The following HRK variants were observed in gnomAD, a reference collection of about 807,000 sequenced individuals.
The protein encoded by HRK is harakiri, BCL2 interacting protein, also known as activator of apoptosis harakiri.
In HRK, 6 loss-of-function variants were observed where a neutral mutation model predicts 5.9. The observed-to-expected ratio is 1.02, with a 90% CI of 0.56 to 2.01. The LOEUF (loss-of-function observed/expected upper bound fraction) is 2.01. Ranked by LOEUF, HRK falls within the 30% of genes most tolerant of loss-of-function variation. HRK has a pLI of 0.00. For synonymous variants in HRK, 85 were observed against 65.1 expected (o/e 1.31, Z -1.47); for missense variants, 133 against 128.3 (o/e 1.04, Z -0.18).
intron 1 of HRK, among the ~76,000 whole-genome samples, chr12:116,868,315 CA>C (rs1878622141): frequency 6.6e-6 from 1 of 152,078 alleles, no homozygotes; most frequent in East Asian, 1.9e-4. Context: ...AACTCAACTG[CA>C]AGCCAAATTC....
chr12:116,866,157 C>CAAAAA lies in HRK; in HGVS notation c.*57-4696_*57-4692dup, dbSNP rs10682657. Reference sequence around the variant, plus strand: ...TGGGAGAGAGAGCAAGATTCCATCTCAAAAAAAAAAAAAAAAAAGCAGTTT... The same window carrying CAAAAA: ...TGGGAGAGAGAGCAAGATTCCATCTCAAAAAAAAAAAAAAAAAAAAAAAGCAGTTT... On this transcript the variant is annotated intron_variant, in intron 1 of 1. Transcript: ENST00000257572. Among the ~76,000 whole-genome samples the CAAAAA allele has an allele frequency of 9.1e-3, 833 of 91,942 alleles. 48 individuals are homozygous for CAAAAA. Among genetic ancestry groups the CAAAAA allele is most frequent in the Non-Finnish European group, 0.013 (642 of 50,266 alleles). 60.3% of individuals were successfully genotyped at this position (91,942 alleles called of 152,430 possible). A position where few individuals can be genotyped will look rare whatever the true frequency, so the allele number is the denominator to read the frequency against.
chr12:116,868,175 C>T (rs920041386), intron 1 of HRK, among the ~76,000 whole-genome samples: 1 of 151,648 alleles, frequency 6.6e-6, no homozygotes, highest in Non-Finnish European at 1.5e-5. Context: ...AGGCTGGTCT[C>T]GAACTGCTGG....
intron 1 of HRK, among the ~76,000 whole-genome samples, chr12:116,869,221 C>T (rs1258501673): frequency 6.6e-6 from 1 of 152,054 alleles, no homozygotes; most frequent in Non-Finnish European, 1.5e-5. Context: ...ATCTCAAGTG[C>T]TCTACCCACC....
intron 1 of HRK, among the ~76,000 whole-genome samples, chr12:116,868,890 C>CA (rs558359866): frequency 5.3e-4 from 80 of 151,846 alleles, no homozygotes; most frequent in African/African-American, 1.8e-3. Context: ...AGCAGATTAG[C>CA]AACTGCCTTA....
intron 1 of HRK, among the ~76,000 whole-genome samples, chr12:116,863,985 C>T (rs1205321388): frequency 4.6e-5 from 7 of 152,124 alleles, no homozygotes; most frequent in Non-Finnish European, 8.8e-5. Context: ...TACAGGTGTG[C>T]GCCACCACAC....
At chr12:116,867,311 T>G (rs1454006697) in intron 1 of HRK, among the ~76,000 whole-genome samples, 1 of 151,808 alleles carries the variant, frequency 6.6e-6, no homozygotes, top group Admixed American at 6.6e-5. Flanking sequence ...CCCGCTATTT[T>G]TTTTGTATTT....
At chr12:116,875,004 C>T (rs768882315) in intron 1 of HRK, among the ~76,000 whole-genome samples, 2 of 152,158 alleles carry the variant, frequency 1.3e-5, no homozygotes, top group African/African-American at 4.8e-5. Flanking sequence ...GTGAGTTCCA[C>T]ATCCATGGAT....
intron 1 of HRK, among the ~76,000 whole-genome samples, chr12:116,877,520 C>G (rs1459682825): frequency 2.0e-5 from 3 of 152,216 alleles, no homozygotes; most frequent in Non-Finnish European, 2.9e-5. Context: ...TTATTCTCTC[C>G]TGACCCTTCT....
At chr12:116,863,835 C>T (rs1369426174) in intron 1 of HRK, among the ~76,000 whole-genome samples, 1 of 152,108 alleles carries the variant, frequency 6.6e-6, no homozygotes, top group East Asian at 1.9e-4. Context: ...CTGGGACTAT[C>T]GGCATGCACC....
In HRK at chr12:116,878,692, TC is replaced by T. The variant is rs1879026887; in HGVS notation, c.*56+2283del. ...TGCTGCTGGGAAGCCGAGCGGGGCA[TC>T]CTGAGGTCAGGGCGCCAGAGGCTGC... On this transcript the variant is annotated intron_variant, in intron 1 of 1. Transcript: ENST00000257572. This position sits in a 1 kb window ranked among gnomAD's most constrained non-coding sequence, Gnocchi z 4.4. The T allele has an allele frequency of 6.5e-6, 1 of 153,046 alleles. No homozygotes were observed. Among genetic ancestry groups the T allele is most frequent in the Non-Finnish European group, 1.5e-5 (1 of 68,790 alleles). The allele number at this position is 153,046 out of a possible 1,614,324, so 9.5% of individuals were successfully genotyped here. A position where few individuals can be genotyped will look rare whatever the true frequency, so the allele number is the denominator to read the frequency against.
At position 116,861,262 on chromosome 12, in the gene HRK, T is replaced by A. The variant is rs1019888431; in HGVS notation, c.*261A>T. The A allele has an allele frequency of 6.6e-6, 1 of 152,216 alleles. No homozygotes were observed. The highest frequency in any genetic ancestry group is 1.5e-5 in the Non-Finnish European group (1 of 68,060). The allele number at this position is 152,216 out of a possible 1,614,324, so 9.4% of individuals were successfully genotyped here. A position where few individuals can be genotyped will look rare whatever the true frequency, so the allele number is the denominator to read the frequency against. The stretch of plus-strand genomic sequence containing the variant: ...CTTTTTTTATATATATAGAGCTGTA[T>A]GTAAATAGCATTGGGGTGTCTGTTT... On this transcript the variant is annotated 3_prime_UTR_variant, in exon 2 of 2. Coordinates refer to ENST00000257572, the MANE Select transcript of HRK (RefSeq NM_003806.4).
intron 1 of HRK, among the ~76,000 whole-genome samples, chr12:116,875,732 T>TG (rs1226966818): frequency 2.0e-5 from 3 of 152,116 alleles, no homozygotes; most frequent in African/African-American, 7.2e-5. Context: ...TTAGTGGAGA[T>TG]GGGGTTTCAC....
At chr12:116,864,328 A>AAG (rs1187439835) in intron 1 of HRK, among the ~76,000 whole-genome samples, 2 of 152,182 alleles carry the variant, frequency 1.3e-5, no homozygotes, top group African/African-American at 4.8e-5. Context: ...ACATCGTGCT[A>AAG]AGCATGGTTA....
intron 1 of HRK, among the ~76,000 whole-genome samples, chr12:116,867,172 G>A (rs367711065): frequency 7.0e-4 from 103 of 146,896 alleles, no homozygotes; most frequent in African/African-American, 2.4e-3. Context: ...ATGGAGTTTC[G>A]CAATTATTGC....
rs1879034045 is a variant in HRK at position 116,878,880 on chromosome 12, G to A, written c.*56+2096C>T. Among the ~76,000 whole-genome samples, 4 of 152,284 alleles carry A rather than the reference G, an allele frequency of 2.6e-5. No individual in the cohort carries two copies. The highest frequency in any genetic ancestry group is 6.5e-5 in the Admixed American group (1 of 15,300). On this transcript the variant is annotated intron_variant, in intron 1 of 1. Coordinates refer to ENST00000257572, the MANE Select transcript of HRK (RefSeq NM_003806.4). The surrounding 1 kb of genome is among the most constrained non-coding windows in gnomAD (Gnocchi z 4.4). Reference sequence around the variant, plus strand: ...CGGGGCGGGGGAAATAAACTCCACAGAGACAATAACCTGCTGCTGCCCCCC... The same window carrying A: ...CGGGGCGGGGGAAATAAACTCCACAAAGACAATAACCTGCTGCTGCCCCCC...
At chr12:116,865,041 G>A (rs566106425) in intron 1 of HRK, among the ~76,000 whole-genome samples, 5 of 152,158 alleles carry the variant, frequency 3.3e-5, no homozygotes, top group African/African-American at 7.2e-5. Context: ...GGGGGGAGGC[G>A]GGCAGAGAGG....
chr12:116,864,683 G>A (rs1878475695), intron 1 of HRK, among the ~76,000 whole-genome samples: 1 of 152,212 alleles, frequency 6.6e-6, no homozygotes, highest in African/African-American at 2.4e-5. Context: ...ATTGAGGCCA[G>A]GTGCTATGGC....
intron 1 of HRK, among the ~76,000 whole-genome samples, chr12:116,872,327 T>C (rs1448095686): frequency 6.6e-6 from 1 of 151,940 alleles, no homozygotes; most frequent in Non-Finnish European, 1.5e-5. Flanking sequence ...ATTGCGCCAT[T>C]GCACTCCAGC....
Position 116,879,142 on chromosome 12 carries a change from ACATCCCG to A in HRK, c.*56+1827_*56+1833del, listed in dbSNP as rs1256664872. The stretch of plus-strand genomic sequence containing the variant: ...CTCGGCCTCCCGGGAGGGGCACCCG[ACATCCCG>A]CACGCCTGGTGCCGGAAGGGGAGAG... On this transcript the variant is annotated intron_variant, in intron 1 of 1. Coordinates refer to ENST00000257572, the MANE Select transcript of HRK (RefSeq NM_003806.4). This position sits in a 1 kb window ranked among gnomAD's most constrained non-coding sequence, Gnocchi z 5.6. 2 of 152,218 alleles carry A rather than the reference ACATCCCG, an allele frequency of 1.3e-5. No homozygotes were observed. Among genetic ancestry groups the A allele is most frequent in the Non-Finnish European group, 2.9e-5 (2 of 68,122 alleles). The allele number at this position is 152,218 out of a possible 1,614,324, so 9.4% of individuals were successfully genotyped here.
Sources: allele counts gnomAD v4.1 joint callset (sites outside exome capture counted in the v4.1 genomes callset), GRCh38; gene constraint gnomAD v4.1.1; non-coding constraint Gnocchi (gnomAD v3.1); transcripts MANE v1.5; gene names NCBI Gene and HGNC (gene_info 2026-07-23, HGNC 2026-07-21).